Variants in AGPAT5 observed in about 807,000 individuals in gnomAD.
AGPAT5 encodes 1-acyl-sn-glycerol-3-phosphate acyltransferase epsilon.
A neutral mutation model predicts 45.6 loss-of-function variants in AGPAT5; 46 were observed. The observed-to-expected ratio is 1.01, with a 90% CI of 0.80 to 1.29. The LOEUF is 1.29. Among genes scored for constraint, AGPAT5 ranks in the 50% most tolerant of loss-of-function variants. The probability of loss-of-function intolerance (pLI) is 0.00; values close to 1 mark genes in which losing one functional copy is unlikely to be tolerated. For missense variants in AGPAT5, 673 were observed against 450.7 expected (o/e 1.49, Z -4.47); for synonymous variants, 272 against 167.0 (o/e 1.63, Z -4.85).
At chr8:6,744,724 G>C (rs148964896) in intron 5 of AGPAT5, among the ~76,000 whole-genome samples, 3 of 152,192 alleles carry the variant, frequency 2.0e-5, no homozygotes, top group African/African-American at 7.2e-5. Flanking sequence ...CTAAACCTGT[G>C]TTTTTGGCTG....
At chr8:6,739,554 A>T (rs917857825) in intron 4 of AGPAT5, among the ~76,000 whole-genome samples, 8 of 152,076 alleles carry the variant, frequency 5.3e-5, no homozygotes, top group East Asian at 1.9e-4. Context: ...GATGACATTT[A>T]AAAAAATTTC....
At chr8:6,725,068 G>A (rs978417690) in intron 2 of AGPAT5, 129 bp downstream of exon 2, 5 of 326,718 alleles carry the variant, frequency 1.5e-5, no homozygotes, top group Non-Finnish European at 2.3e-5. Flanking sequence ...TATTACACCT[G>A]TTCTTGTATT....
intron 4 of AGPAT5, among the ~76,000 whole-genome samples, chr8:6,740,285 A>G (rs1272761978): frequency 6.6e-6 from 1 of 151,992 alleles, no homozygotes; most frequent in East Asian, 1.9e-4. Context: ...CCTTACTGTT[A>G]CAAAACACAT....
At position 6,759,197 on chromosome 8, in the gene AGPAT5, C is replaced by T. The variant is rs1175875566; in HGVS notation, c.*1809C>T. On this transcript the variant is annotated 3_prime_UTR_variant, in exon 8 of 8. Coordinates refer to ENST00000285518, the MANE Select transcript of AGPAT5 (RefSeq NM_018361.5). ...ATCAATTCCATGTCTTTGTTAAGTACAGGGATTTAATATATTTTGAATATA... is the reference window on the plus strand; with the variant it reads ...ATCAATTCCATGTCTTTGTTAAGTATAGGGATTTAATATATTTTGAATATA... The T allele has an allele frequency of 2.6e-5, 4 of 152,186 alleles. No individual in the cohort carries two copies. In the East Asian group the frequency reaches 7.7e-4, roughly 29 times the overall value. 9.4% of individuals were successfully genotyped at this position (152,186 alleles called of 1,614,324 possible).
chr8:6,727,024 G>A (rs1299378210), intron 2 of AGPAT5, among the ~76,000 whole-genome samples: 3 of 152,146 alleles, frequency 2.0e-5, no homozygotes, highest in African/African-American at 4.8e-5. Flanking sequence ...ATCCATAGAC[G>A]TGGTTCATTG....
At chr8:6,731,549 G>A (rs1451287148) in intron 3 of AGPAT5, among the ~76,000 whole-genome samples, 2 of 150,518 alleles carry the variant, frequency 1.3e-5, no homozygotes, top group African/African-American at 4.9e-5. Context: ...ATTTTTATTT[G>A]TTCACATATT....
At position 6,760,301 on chromosome 8, in the gene AGPAT5, G is replaced by A. The variant is rs1587080713; in HGVS notation, c.*2913G>A. Among the ~76,000 whole-genome samples, 3 of 152,112 alleles carry A rather than the reference G, an allele frequency of 2.0e-5. No individual in the cohort carries two copies. The highest frequency in any genetic ancestry group is 1.9e-4 in the East Asian group (1 of 5,192). On this transcript the variant is annotated 3_prime_UTR_variant, in exon 8 of 8. Coordinates refer to ENST00000285518, the MANE Select transcript of AGPAT5 (RefSeq NM_018361.5). ...TTGTCCCAGCTACTCGGGAGGGTGA[G>A]GTGGGAGGATCGCTTCAGCCCAGGA...
At position 6,759,984 on chromosome 8, in the gene AGPAT5, ACT is replaced by A. The variant is rs1304915563; in HGVS notation, c.*2599_*2600del. Among the ~76,000 whole-genome samples the A allele has an allele frequency of 6.6e-6, 1 of 152,168 alleles. No homozygotes were observed. Among genetic ancestry groups the A allele is most frequent in the Non-Finnish European group, 1.5e-5 (1 of 68,030 alleles). On this transcript the variant is annotated 3_prime_UTR_variant, in exon 8 of 8. Transcript: ENST00000285518. Reference sequence around the variant, plus strand: ...GTGAATAAAAGTGCCGATCTGGCTAACTCTTACACCATACATACTGATAGTTT... The same window carrying A: ...GTGAATAAAAGTGCCGATCTGGCTAACTTACACCATACATACTGATAGTTT...
intron 5 of AGPAT5, 23 bp downstream of exon 5, chr8:6,741,774 G>T: frequency 1.3e-6 from 2 of 1,537,146 alleles, no homozygotes; most frequent in South Asian, 2.3e-5. Context: ...TTGAGTGTTT[G>T]AACAAATAAT....
chr8:6,717,351 T>C (rs139339401), intron 1 of AGPAT5, among the ~76,000 whole-genome samples: 2 of 152,256 alleles, frequency 1.3e-5, no homozygotes, highest in African/African-American at 4.8e-5. Context: ...CAGCTTGGCA[T>C]GAGAATTCCA....
intron 4 of AGPAT5, among the ~76,000 whole-genome samples, chr8:6,737,776 A>G (rs959855218): frequency 4.7e-4 from 72 of 152,326 alleles, no homozygotes; most frequent in African/African-American, 1.7e-3. Flanking sequence ...ATTTTATTTC[A>G]GGTAGATTTT....
intron 6 of AGPAT5, among the ~76,000 whole-genome samples, chr8:6,754,782 T>C (rs937484273): frequency 1.3e-5 from 2 of 152,150 alleles, no homozygotes; most frequent in African/African-American, 4.8e-5. Context: ...ACATGAAAAA[T>C]AACATTTGGT....
chr8:6,723,311 C>G lies in AGPAT5; in HGVS notation c.220-1559C>G, dbSNP rs549748385. Among the ~76,000 whole-genome samples the G allele has an allele frequency of 3.9e-5, 6 of 152,296 alleles. No homozygotes were observed. The East Asian group carries it at 1.2e-3, about 29-fold the overall frequency. The stretch of plus-strand genomic sequence containing the variant: ...GGTGTGCAGTGTGTTCTGGATGCTC[C>G]TGAAGGAGTGTGGGCAGGTGCGCAC... On this transcript the variant is annotated intron_variant, in intron 1 of 7. Coordinates refer to ENST00000285518, the MANE Select transcript of AGPAT5 (RefSeq NM_018361.5).
intron 1 of AGPAT5, among the ~76,000 whole-genome samples, chr8:6,712,308 C>G (rs1800181081): frequency 6.6e-6 from 1 of 152,022 alleles, no homozygotes; most frequent in Admixed American, 6.6e-5. Context: ...TGTATAATAA[C>G]CAACTTATTC....
At chr8:6,729,912 C>T (rs1017520359) in intron 2 of AGPAT5, among the ~76,000 whole-genome samples, 2 of 152,198 alleles carry the variant, frequency 1.3e-5, no homozygotes, top group African/African-American at 4.8e-5. Context: ...TACCCAGCAT[C>T]ATTGTAAGGC....
chr8:6,727,132 A>C (rs1800714913), intron 2 of AGPAT5, among the ~76,000 whole-genome samples: 1 of 152,174 alleles, frequency 6.6e-6, no homozygotes, highest in South Asian at 2.1e-4. Flanking sequence ...GAATATTTCA[A>C]AGACTGTTGT....
chr8:6,736,130 G>T (rs1430558646), intron 4 of AGPAT5, among the ~76,000 whole-genome samples: 7 of 152,136 alleles, frequency 4.6e-5, no homozygotes, highest in African/African-American at 1.7e-4. Flanking sequence ...GGGATTATAG[G>T]TGTGAGCCAC....
rs543078531 is a variant in AGPAT5 at position 6,720,993 on chromosome 8, G to A, written c.220-3877G>A. Among the ~76,000 whole-genome samples, 65 of 152,294 alleles carry A rather than the reference G, an allele frequency of 4.3e-4. No individual in the cohort carries two copies. In the South Asian group the frequency reaches 0.013, roughly 31 times the overall value. On this transcript the variant is annotated intron_variant, in intron 1 of 7. Coordinates refer to ENST00000285518, the MANE Select transcript of AGPAT5 (RefSeq NM_018361.5). Reference sequence around the variant, plus strand: ...GTGAAGTACTATTTTGAAAGCTTATGAAGAAGGCTTTGCTGAAGAAAGCAA... The same window carrying A: ...GTGAAGTACTATTTTGAAAGCTTATAAAGAAGGCTTTGCTGAAGAAAGCAA...
intron 6 of AGPAT5, among the ~76,000 whole-genome samples, chr8:6,750,701 C>T (rs554783213): frequency 2.4e-4 from 35 of 143,792 alleles, no homozygotes; most frequent in Middle Eastern, 3.6e-3. Context: ...AAGGTAAGTG[C>T]AAATGAAAAC....
Sources: gnomAD v4.1 joint callset for allele counts (sites outside exome capture counted in the v4.1 genomes callset) on GRCh38, gnomAD v4.1.1 for gene constraint, MANE v1.5 for transcripts, NCBI Gene and HGNC (gene_info 2026-07-23, HGNC 2026-07-21) for gene names.